NGLY1: variants seen among roughly 807,000 people sequenced by gnomAD.
NGLY1 encodes N-glycanase 1.
A neutral mutation model predicts 84.6 loss-of-function variants in NGLY1; 68 were observed. The ratio of observed to expected loss-of-function variants is 0.80; its 90% CI spans 0.66 to 0.98. The LOEUF (loss-of-function observed/expected upper bound fraction) is 0.98. Among genes scored for constraint, NGLY1 ranks in the 50% least tolerant of loss-of-function variants. NGLY1 has a pLI of 0.00. For missense variants in NGLY1, 779 were observed against 770.2 expected, an observed-to-expected ratio of 1.01 and a Z score of -0.14; for synonymous variants, 280 against 275.2, an observed-to-expected ratio of 1.02 and a Z score of -0.17.
intron 10 of NGLY1, among the ~76,000 whole-genome samples, chr3:25,726,112 G>A (rs1023892116): frequency 6.6e-6 from 1 of 151,248 alleles, no homozygotes; most frequent in Non-Finnish European, 1.5e-5. Flanking sequence ...GTGACAAAGA[G>A]AGGGATAAAA....
intron 3 of NGLY1, among the ~76,000 whole-genome samples, chr3:25,751,737 A>C (rs1706760742): frequency 6.6e-6 from 1 of 152,228 alleles, no homozygotes; most frequent in African/African-American, 2.4e-5. Flanking sequence ...AAAAGTTTCC[A>C]AAATAATCCC....
In NGLY1 at chr3:25,755,022, C is replaced by T. The variant is rs1706966702; in HGVS notation, c.493-3759G>A. ...GATATGGGAATCACAGACTACAAACCAAAGGTTATAAATCAAATTTTGGAA... is the reference window on the plus strand; with the variant it reads ...GATATGGGAATCACAGACTACAAACTAAAGGTTATAAATCAAATTTTGGAA... On this transcript the variant is annotated intron_variant, in intron 3 of 11. Transcript: ENST00000280700. 3 of 979,048 alleles carry T rather than the reference C, an allele frequency of 3.1e-6. No individual in the cohort carries two copies. In the South Asian group the frequency reaches 3.9e-5, roughly 13 times the overall value. The allele number at this position is 979,048 out of a possible 1,614,324, so 60.6% of individuals were successfully genotyped here. A position where few individuals can be genotyped will look rare whatever the true frequency, so the allele number is the denominator to read the frequency against.
At chr3:25,763,386 T>A (rs967552006) in intron 3 of NGLY1, among the ~76,000 whole-genome samples, 1 of 152,180 alleles carries the variant, frequency 6.6e-6, no homozygotes, top group Non-Finnish European at 1.5e-5. Flanking sequence ...GAAAAGGTGT[T>A]AAAAACCAAG....
chr3:25,755,162 G>T, intron 3 of NGLY1: 4 of 1,271,982 alleles, frequency 3.1e-6, no homozygotes, highest in Non-Finnish European at 4.6e-6. Context: ...GTGTCGTGCT[G>T]ATCTTTTTAC....
rs1222357819 is a variant in NGLY1 at position 25,720,171 on chromosome 3, T to A, written c.1632A>T (p.Glu544Asp). 1.2e-6 allele frequency: 2 copies of A among 1,613,736 alleles called. No homozygotes were observed. ...AGGAAATATAAGCAAAAGATGATCC[T>A]TCCTTTCGGGCCAAATATACCTATA... Reference protein sequence around the residue: ...DWHMVYLARKEGSSFAYISWK... With the variant: ...DWHMVYLARKDGSSFAYISWK... Residue 544 changes from glutamate (E) to aspartate (D), a missense_variant, in exon 11 of 12, where the codon GAA becomes GAT. Transcript: ENST00000280700.
At chr3:25,777,469 C>T (rs1708212099) in intron 2 of NGLY1, among the ~76,000 whole-genome samples, 3 of 151,666 alleles carry the variant, frequency 2.0e-5, no homozygotes, top group Admixed American at 1.3e-4. Flanking sequence ...TCTTTTGCCA[C>T]ATTCCTCAAG....
chr3:25,720,342 G>T, intron 10 of NGLY1, 151 bp from the exon 11 acceptor site: 1 of 586,572 alleles, frequency 1.7e-6, no homozygotes, highest in Non-Finnish European at 2.7e-6. Flanking sequence ...GGTTCTTACT[G>T]CTAACATTTT....
At chr3:25,759,695 TA>T (rs1559549112) in intron 3 of NGLY1, among the ~76,000 whole-genome samples, 3 of 152,224 alleles carry the variant, frequency 2.0e-5, no homozygotes, top group Non-Finnish European at 4.4e-5. Flanking sequence ...ATTGAGAGAC[TA>T]AAGTTACTTA....
upstream of NGLY1, among the ~76,000 whole-genome samples, chr3:25,785,929 T>C (rs989577798): frequency 6.6e-6 from 1 of 152,194 alleles, no homozygotes; most frequent in Non-Finnish European, 1.5e-5. Flanking sequence ...TCTTCCCTAT[T>C]TGATTAAAAG....
rs762260593 is a variant in NGLY1 at position 25,733,938 on chromosome 3, C to G, written c.1194G>C (p.Val398=). The G allele has an allele frequency of 6.2e-7, 1 of 1,613,854 alleles. No homozygotes were observed. The highest frequency in any genetic ancestry group is 2.2e-5 in the East Asian group (1 of 44,850). The part of the protein sequence containing the change: ...TWRYSCKHEE[V]IARRTKVKEA... ...CTTTAACCTTAGTTCTTCTGGCAATCACCTCTTCATGTTTGCAGGAATATC... is the reference window on the plus strand; with the variant it reads ...CTTTAACCTTAGTTCTTCTGGCAATGACCTCTTCATGTTTGCAGGAATATC... The change falls in exon 8 of 12, where the codon GTG becomes GTC. Residue 398 remains valine (V), a synonymous_variant. Transcript: ENST00000280700.
intron 5 of NGLY1, 97 bp from the exon 6 acceptor site, chr3:25,737,552 T>C: frequency 5.6e-6 from 7 of 1,244,346 alleles, no homozygotes; most frequent in African/African-American, 1.5e-5. Flanking sequence ...TAATTTTTTT[T>C]TTTTTTTTGA....
chr3:25,785,607 G>A (rs1708586326), upstream of NGLY1, among the ~76,000 whole-genome samples: 2 of 151,528 alleles, frequency 1.3e-5, no homozygotes, highest in African/African-American at 4.9e-5. Context: ...GCCGAGGTAG[G>A]TGGATCGCTT....
At chr3:25,761,856 T>C (rs1029335893) in intron 3 of NGLY1, among the ~76,000 whole-genome samples, 1 of 152,286 alleles carries the variant, frequency 6.6e-6, no homozygotes, top group Non-Finnish European at 1.5e-5. Context: ...ATCCTTAAAA[T>C]GGAATATTAT....
Position 25,732,437 on chromosome 3 carries a change from C to G in NGLY1, c.1307G>C (p.Arg436Thr). 1 of 1,613,578 alleles carries G rather than the reference C, an allele frequency of 6.2e-7. No individual in the cohort carries two copies. The highest frequency in any genetic ancestry group is 8.5e-7 in the Non-Finnish European group (1 of 1,179,652). ...SENRRKELLQ[R>T]IIVELVEFIS... ...AAATTCAACAAGCTCCACAATTATC[C>G]TCTGGAGAAGTTCTTTCCTTCTGTT... The change falls in exon 9 of 12, where the codon AGG becomes ACG. Residue 436 changes from arginine (R) to threonine (T), a missense_variant. Physicochemically the swap from Arg to Thr is moderately conservative, Grantham distance 71 (BLOSUM62 -1). Coordinates refer to ENST00000280700, the MANE Select transcript of NGLY1 (RefSeq NM_018297.4).
intron 4 of NGLY1, among the ~76,000 whole-genome samples, chr3:25,750,080 C>CA (rs1333724800): frequency 6.6e-6 from 1 of 152,166 alleles, no homozygotes; most frequent in Admixed American, 6.5e-5. Context: ...CACAGTTCCA[C>CA]ATGGCTGGAG....
At chr3:25,779,031 G>T (rs1708287620) in intron 1 of NGLY1, among the ~76,000 whole-genome samples, 2 of 143,326 alleles carry the variant, frequency 1.4e-5, no homozygotes, top group Admixed American at 7.6e-5. Context: ...CACCTCCCAG[G>T]TTCAAGCAAT....
chr3:25,777,213 T>C (rs1437888682), intron 2 of NGLY1, among the ~76,000 whole-genome samples: 6 of 152,248 alleles, frequency 3.9e-5, no homozygotes, highest in African/African-American at 1.4e-4. Flanking sequence ...CTGACCAACA[T>C]GGAGAAATCC....
At chr3:25,721,529 G>A (rs908376358) in intron 10 of NGLY1, among the ~76,000 whole-genome samples, 1 of 151,822 alleles carries the variant, frequency 6.6e-6, no homozygotes, top group African/African-American at 2.4e-5. Context: ...TGAGGCAGGT[G>A]GATCACGAGG....
rs559311904 is a variant in NGLY1, at chr3:25,767,970, G to T, written c.247-3659C>A. Among the ~76,000 whole-genome samples, 3 of 151,730 alleles carry T rather than the reference G, an allele frequency of 2.0e-5. No homozygotes were observed. The South Asian group carries it at 6.3e-4, about 32-fold the overall frequency. ...TCTACTAAAAACACAAAAATTAGCT[G>T]GGCGTGGTGGCAGGCACCTGTAATC... On this transcript the variant is annotated intron_variant, in intron 2 of 11. Coordinates refer to ENST00000280700, the MANE Select transcript of NGLY1 (RefSeq NM_018297.4).
Sources: gnomAD v4.1 joint callset for allele counts (sites outside exome capture counted in the v4.1 genomes callset) on GRCh38, gnomAD v4.1.1 for gene constraint, MANE v1.5 for transcripts, NCBI Gene and HGNC (gene_info 2026-07-23, HGNC 2026-07-21) for gene names.